Variants in KCNJ6 observed in about 807,000 individuals in gnomAD.
KCNJ6 encodes potassium inwardly rectifying channel subfamily J member 6, also known as G protein-activated inward rectifier potassium channel 2.
KCNJ6 carries 9 observed loss-of-function variants against 34.2 expected under a neutral mutation model. The observed-to-expected ratio is 0.26, with a 90% CI of 0.16 to 0.46. KCNJ6 has a LOEUF of 0.46. Ranked by LOEUF, KCNJ6 falls within the 20% of genes least tolerant of loss-of-function variation. KCNJ6 has a pLI of 1.00. For missense variants in KCNJ6, 236 were observed against 531.3 expected (o/e 0.44, Z 5.46); for synonymous variants, 196 against 207.1 (o/e 0.95, Z 0.46).
intron 3 of KCNJ6, among the ~76,000 whole-genome samples, chr21:37,670,223 G>A (rs2054535302): frequency 6.6e-6 from 1 of 152,162 alleles, no homozygotes; most frequent in South Asian, 2.1e-4. Flanking sequence ...TGGTTTAGAT[G>A]TCCATCCTTA....
At chr21:37,665,445 G>A (rs995869690) in intron 3 of KCNJ6, among the ~76,000 whole-genome samples, 2 of 152,184 alleles carry the variant, frequency 1.3e-5, no homozygotes, top group African/African-American at 4.8e-5. Context: ...GGATGTGGAC[G>A]AACCTCATGG....
rs774812065 is a variant in KCNJ6 at position 37,625,108 on chromosome 21, A to C, written c.*51T>G. On this transcript the variant is annotated 3_prime_UTR_variant, in exon 4 of 4. Transcript: ENST00000609713. Reference sequence around the variant, plus strand: ...CAGAAAAAGAAAGAGAATGAGAGACAAGGAAAGATTGTGTTGGGGGGAGAA... The same window carrying C: ...CAGAAAAAGAAAGAGAATGAGAGACCAGGAAAGATTGTGTTGGGGGGAGAA... The C allele has an allele frequency of 2.4e-5, 30 of 1,250,048 alleles. No homozygotes were observed. Among genetic ancestry groups the C allele is most frequent in the Non-Finnish European group, 3.1e-5 (27 of 872,632 alleles). The allele number at this position is 1,250,048 out of a possible 1,614,324, so 77.4% of individuals were successfully genotyped here. A position where few individuals can be genotyped will look rare whatever the true frequency, so the allele number is the denominator to read the frequency against.
At chr21:37,909,206 T>C (rs1176769531) in intron 1 of KCNJ6, among the ~76,000 whole-genome samples, 1 of 152,232 alleles carries the variant, frequency 6.6e-6, no homozygotes, top group Non-Finnish European at 1.5e-5. Context: ...TTCTATTTTG[T>C]TAAATTAGTG....
At chr21:37,807,470 C>T (rs746110101) in intron 2 of KCNJ6, among the ~76,000 whole-genome samples, 5 of 152,220 alleles carry the variant, frequency 3.3e-5, no homozygotes, top group Admixed American at 6.5e-5. Context: ...TCATGTGTCG[C>T]ATAACAACGT....
intron 2 of KCNJ6, among the ~76,000 whole-genome samples, chr21:37,759,397 G>A (rs187356287): frequency 6.6e-6 from 1 of 152,306 alleles, no homozygotes; most frequent in East Asian, 1.9e-4. Flanking sequence ...GTGAGACCAG[G>A]AAGAGCTGAA....
At chr21:37,761,374 TTG>T (rs926140358) in intron 2 of KCNJ6, among the ~76,000 whole-genome samples, 6 of 151,264 alleles carry the variant, frequency 4.0e-5, no homozygotes, top group Non-Finnish European at 7.4e-5. Context: ...GTGTGTATAT[TTG>T]TGTGTGTTGT....
At chr21:37,742,022 A>AAAGGG (rs1269223330) in intron 2 of KCNJ6, among the ~76,000 whole-genome samples, 1 of 152,208 alleles carries the variant, frequency 6.6e-6, no homozygotes, top group Admixed American at 6.5e-5. Context: ...TCATGTTGGA[A>AAAGGG]AAGGGGGAAG....
intron 2 of KCNJ6, among the ~76,000 whole-genome samples, chr21:37,796,390 G>A (rs932101227): frequency 6.6e-5 from 10 of 152,178 alleles, no homozygotes; most frequent in South Asian, 2.1e-4. Flanking sequence ...TTTTGAAAGC[G>A]GCAAAGTGGT....
At chr21:37,727,462 T>TGC (rs2054860643) in intron 2 of KCNJ6, among the ~76,000 whole-genome samples, 1 of 148,376 alleles carries the variant, frequency 6.7e-6, no homozygotes, top group Non-Finnish European at 1.5e-5. Flanking sequence ...GACTCACGTG[T>TGC]GTGTGTGTGT....
chr21:37,764,791 G>C lies in KCNJ6; in HGVS notation c.26-49660C>G, dbSNP rs117262489. Among the ~76,000 whole-genome samples, 76 of 152,338 alleles carry C rather than the reference G, an allele frequency of 5.0e-4. No individual in the cohort carries two copies. In the East Asian group the frequency reaches 0.013, roughly 26 times the overall value. ...TCATCCCGTGATCTTACAGTGCTTTGAAAGTGCTTTCAGAAACTGCTGCAA... is the reference window on the plus strand; with the variant it reads ...TCATCCCGTGATCTTACAGTGCTTTCAAAGTGCTTTCAGAAACTGCTGCAA... On this transcript the variant is annotated intron_variant, in intron 2 of 3. Coordinates refer to ENST00000609713, the MANE Select transcript of KCNJ6 (RefSeq NM_002240.5).
At chr21:37,889,338 G>A (rs968614992) in intron 1 of KCNJ6, among the ~76,000 whole-genome samples, 2 of 152,078 alleles carry the variant, frequency 1.3e-5, no homozygotes, top group Non-Finnish European at 2.9e-5. Flanking sequence ...GATAAGAAAC[G>A]AGCCTCAATG....
At chr21:37,905,944 C>T (rs1476007113) in intron 1 of KCNJ6, among the ~76,000 whole-genome samples, 1 of 152,308 alleles carries the variant, frequency 6.6e-6, no homozygotes, top group East Asian at 1.9e-4. Context: ...AGTTATAACT[C>T]TTCCTCACTT....
chr21:37,807,224 G>A (rs1035499902), intron 2 of KCNJ6, among the ~76,000 whole-genome samples: 20 of 152,148 alleles, frequency 1.3e-4, no homozygotes, highest in Non-Finnish European at 2.5e-4. Flanking sequence ...TATAATCTTT[G>A]CAAAAATTAT....
chr21:37,744,603 G>A (rs1448709170), intron 2 of KCNJ6, among the ~76,000 whole-genome samples: 6 of 152,188 alleles, frequency 3.9e-5, no homozygotes, highest in African/African-American at 1.4e-4. Flanking sequence ...ATTCAAGTAA[G>A]AGAAGTGGAG....
intron 1 of KCNJ6, among the ~76,000 whole-genome samples, chr21:37,908,691 C>T (rs1343352925): frequency 6.6e-6 from 1 of 152,154 alleles, no homozygotes; most frequent in East Asian, 1.9e-4. Flanking sequence ...ATCATCTACA[C>T]CTACTCCAAA....
chr21:37,744,055 C>T (rs966925676), intron 2 of KCNJ6, among the ~76,000 whole-genome samples: 4 of 150,078 alleles, frequency 2.7e-5, no homozygotes, highest in Admixed American at 2.0e-4. Context: ...GATAGTATAT[C>T]GCAAGGACAA....
At chr21:37,808,781 C>T (rs1159154968) in intron 2 of KCNJ6, among the ~76,000 whole-genome samples, 1 of 152,230 alleles carries the variant, frequency 6.6e-6, no homozygotes. Flanking sequence ...AGACTTCAAG[C>T]TTCTTTATTC....
chr21:37,896,274 C>G (rs2055787729), intron 1 of KCNJ6, among the ~76,000 whole-genome samples: 1 of 152,206 alleles, frequency 6.6e-6, no homozygotes, highest in Admixed American at 6.5e-5. Flanking sequence ...CACCTCCTTC[C>G]AGGCCCCAAC....
At chr21:37,849,807 T>C (rs925623865) in intron 1 of KCNJ6, among the ~76,000 whole-genome samples, 8 of 152,216 alleles carry the variant, frequency 5.3e-5, no homozygotes, top group African/African-American at 1.2e-4. Flanking sequence ...GTAGGACTTG[T>C]CATTCTTGGA....
Sources: gnomAD v4.1 joint callset for allele counts (sites outside exome capture counted in the v4.1 genomes callset) on GRCh38, gnomAD v4.1.1 for gene constraint, MANE v1.5 for transcripts, NCBI Gene and HGNC (gene_info 2026-07-23, HGNC 2026-07-21) for gene names.